Variants in ATP7B observed in about 807,000 individuals in gnomAD.
ATP7B encodes copper-transporting ATPase 2.
Under a neutral mutation model 118.9 loss-of-function variants are expected in ATP7B, and 113 were observed. The ratio of observed to expected loss-of-function variants is 0.95; its 90% CI spans 0.82 to 1.11. The LOEUF is 1.11. ATP7B is among the 50% of genes most tolerant of loss of function. The pLI is 0.00. For missense variants in ATP7B, 1,867 were observed against 1,871.4 expected (o/e 1.00, Z 0.04); for synonymous variants, 777 against 727.4 (o/e 1.07, Z -1.10).
intron 12 of ATP7B, among the ~76,000 whole-genome samples, chr13:51,948,302 A>G (rs1957788790): frequency 6.6e-6 from 1 of 152,054 alleles, no homozygotes; most frequent in Non-Finnish European, 1.5e-5. Flanking sequence ...TGCAGTGGCT[A>G]TTCACAGGCA....
chr13:51,989,853 T>C (rs1346428716), intron 1 of ATP7B, among the ~76,000 whole-genome samples: 6 of 152,196 alleles, frequency 3.9e-5, no homozygotes, highest in Admixed American at 2.0e-4. Context: ...ACACTCTGTA[T>C]TTCAAGCCTT....
intron 5 of ATP7B, 110 bp from the exon 6 acceptor site, chr13:51,962,023 G>C (rs1261711267): frequency 1.1e-6 from 1 of 894,904 alleles, no homozygotes; most frequent in Non-Finnish European, 1.8e-6. Context: ...GAATCTAAAA[G>C]TGCCTCAGTA....
chr13:51,984,756 A>C (rs1164694666), intron 1 of ATP7B, among the ~76,000 whole-genome samples: 1 of 152,374 alleles, frequency 6.6e-6, no homozygotes, highest in East Asian at 1.9e-4. Flanking sequence ...AATAGGGGCC[A>C]ATATTCGACA....
chr13:51,959,215 T>C (rs888005747), intron 7 of ATP7B: 12 of 153,246 alleles, frequency 7.8e-5, no homozygotes, highest in African/African-American at 2.9e-4. Flanking sequence ...ATTACACTTA[T>C]AATCAAACAA....
At chr13:51,997,233 C>T (rs958905474) in intron 1 of ATP7B, among the ~76,000 whole-genome samples, 1 of 152,158 alleles carries the variant, frequency 6.6e-6, no homozygotes, top group East Asian at 1.9e-4. Context: ...TGAAGCTCAT[C>T]GCTTTGAGCA....
intron 1 of ATP7B, among the ~76,000 whole-genome samples, chr13:52,011,072 T>C (rs1954006137): frequency 6.6e-6 from 1 of 152,238 alleles, no homozygotes; most frequent in Admixed American, 6.5e-5. Flanking sequence ...AAGATGAATT[T>C]TGAGGTGCGG....
In ATP7B at chr13:52,011,389, C is replaced by T. The variant is rs1566688339; in HGVS notation, c.-52G>A. On this transcript the variant is annotated 5_prime_UTR_variant, in exon 1 of 21. Transcript: ENST00000242839. ...TCTGATCTGGCTCAGAGCAAAAGGT[C>T]ACCTGGTCGGTGGAGGAGAGCGGGG... 6.2e-7 allele frequency: 1 copy of T among 1,612,960 alleles called. No homozygotes were observed. The highest frequency in any genetic ancestry group is 2.2e-5 in the East Asian group (1 of 44,866).
intron 1 of ATP7B, among the ~76,000 whole-genome samples, chr13:52,003,560 T>C (rs1434327207): frequency 2.0e-5 from 3 of 152,090 alleles, no homozygotes; most frequent in Non-Finnish European, 2.9e-5. Context: ...GAAGTGAGTA[T>C]ATGCTGTTAC....
rs1375281491 is a variant in ATP7B, at chr13:51,965,003, G to T, written c.1738C>A (p.His580Asn). 1 of 1,614,132 alleles carries T rather than the reference G, an allele frequency of 6.2e-7. No homozygotes were observed. The highest frequency in any genetic ancestry group is 1.7e-5 in the Admixed American group (1 of 60,018). The change falls in exon 5 of 21, where the codon CAC becomes AAC. Residue 580 changes from histidine (H) to asparagine (N), a missense_variant. By Grantham distance (68) the His-to-Asn change is moderately conservative. Transcript: ENST00000242839. ...ITGMTCASCVHNIESKLTRTN... is the reference protein window; with the variant it reads ...ITGMTCASCVNNIESKLTRTN... The stretch of plus-strand genomic sequence containing the variant: ...CTCGTGAGTTTGGACTCTATGTTGT[G>T]GACACAGGACGCGCAGGTCATCCCT...
chr13:52,004,187 G>A (rs1047275159), intron 1 of ATP7B, among the ~76,000 whole-genome samples: 17 of 152,138 alleles, frequency 1.1e-4, no homozygotes, highest in African/African-American at 3.9e-4. Flanking sequence ...TCCTTAGCCC[G>A]GCAGAGGGAG....
intron 9 of ATP7B, among the ~76,000 whole-genome samples, chr13:51,955,390 C>A (rs1000471385): frequency 3.9e-5 from 6 of 152,202 alleles, no homozygotes; most frequent in African/African-American, 1.4e-4. Flanking sequence ...GTAGGAATGA[C>A]CACACCCAAA....
At chr13:51,949,487 G>A (rs1957860529) in intron 12 of ATP7B, among the ~76,000 whole-genome samples, 175 bp downstream of exon 12, 1 of 152,186 alleles carries the variant, frequency 6.6e-6, no homozygotes, top group Non-Finnish European at 1.5e-5. Flanking sequence ...ACCTGCAGAA[G>A]GAGAGTGACT....
intron 12 of ATP7B, 169 bp from the exon 13 acceptor site, chr13:51,946,647 T>A (rs1957682954): frequency 2.7e-6 from 2 of 744,410 alleles, no homozygotes; most frequent in Non-Finnish European, 2.3e-6. Context: ...AACACGTTAC[T>A]GCTCTCCACA....
At chr13:51,949,578 G>T in intron 12 of ATP7B, 84 bp downstream of exon 12, 1 of 1,559,322 alleles carries the variant, frequency 6.4e-7, no homozygotes, top group Non-Finnish European at 8.8e-7. Context: ...AAAGCCCAGT[G>T]AATCTAAGAT....
chr13:51,986,821 A>T (rs1466138125), intron 1 of ATP7B, among the ~76,000 whole-genome samples: 1 of 152,242 alleles, frequency 6.6e-6, no homozygotes, highest in African/African-American at 2.4e-5. Context: ...CAAAAACCAC[A>T]TGATTATCTC....
upstream of ATP7B, chr13:52,011,480 A>G: frequency 1.0e-6 from 1 of 984,086 alleles, no homozygotes; most frequent in Non-Finnish European, 1.6e-6. Flanking sequence ...TCTAAAGCAA[A>G]CAGGGGTCCG....
At chr13:52,001,712 G>A (rs1953499351) in intron 1 of ATP7B, among the ~76,000 whole-genome samples, 1 of 151,988 alleles carries the variant, frequency 6.6e-6, no homozygotes, top group African/African-American at 2.4e-5. Flanking sequence ...ACCACCAAAT[G>A]CAATAATACA....
At chr13:52,011,758 TCCGCGGTCTCGGCCA>T (rs1484840087), upstream of ATP7B, among the ~76,000 whole-genome samples, 3 of 152,356 alleles carry the variant, frequency 2.0e-5, no homozygotes, top group Non-Finnish European at 4.4e-5. Flanking sequence ...CCTGTCCTCC[TCCGCGGTCTCGGCCA>T]CCTCGCGCTG....
rs1472791310 is a variant in ATP7B at position 51,937,650 on chromosome 13, C to T, written c.3729G>A (p.Val1243=). Reference sequence around the variant, plus strand: ...CCTTGGCCACCTTGTGCGAAGGCAGCACCTCTGCAAAGACTTTGTTGATGC... The same window carrying T: ...CCTTGGCCACCTTGTGCGAAGGCAGTACCTCTGCAAAGACTTTGTTGATGC... ...QVGINKVFAE[V]LPSHKVAKVQ... is the part of the protein sequence containing the mutation. The change falls in exon 18 of 21, where the codon GTG becomes GTA. Residue 1243 remains valine, a synonymous_variant. Coordinates refer to ENST00000242839, the MANE Select transcript of ATP7B (RefSeq NM_000053.4). The T allele has an allele frequency of 6.2e-7, 1 of 1,614,270 alleles. No homozygotes were observed. Among genetic ancestry groups the T allele is most frequent in the South Asian group, 1.1e-5 (1 of 91,090 alleles).
Sources: gnomAD v4.1 joint callset for allele counts (sites outside exome capture counted in the v4.1 genomes callset) on GRCh38, gnomAD v4.1.1 for gene constraint, MANE v1.5 for transcripts, NCBI Gene and HGNC (gene_info 2026-07-23, HGNC 2026-07-21) for gene names.